The following MBD5 variants were observed in gnomAD, a reference collection of about 807,000 sequenced individuals.
MBD5 encodes the protein methyl-CpG binding domain protein 5.
In MBD5, 13 loss-of-function variants were observed where a neutral mutation model predicts 117.3. The observed-to-expected ratio is 0.11, with a 90% CI of 0.07 to 0.18. The LOEUF is 0.18. Among genes scored for constraint, MBD5 ranks in the 10% least tolerant of loss-of-function variants. The probability of loss-of-function intolerance (pLI) is 1.00; values close to 1 mark genes in which losing one functional copy is unlikely to be tolerated. For missense variants in MBD5, 1,879 were observed against 2,093.8 expected, an observed-to-expected ratio of 0.90 and a Z score of 2.00; for synonymous variants, 727 against 766.4, an observed-to-expected ratio of 0.95 and a Z score of 0.85.
At chr2:148,464,900 T>C (rs1485453221) in intron 7 of MBD5, among the ~76,000 whole-genome samples, 1 of 151,256 alleles carries the variant, frequency 6.6e-6, no homozygotes, top group Non-Finnish European at 1.5e-5. Flanking sequence ...AACCCAGAAG[T>C]TGGAGGCTGC....
intron 8 of MBD5, among the ~76,000 whole-genome samples, chr2:148,472,682 C>T (rs770196039): frequency 9.2e-5 from 14 of 152,174 alleles, no homozygotes; most frequent in Middle Eastern, 3.4e-3. Flanking sequence ...GGTAGGCATT[C>T]AGAATGAGAC....
chr2:148,397,274 G>A (rs1254775995), intron 4 of MBD5, among the ~76,000 whole-genome samples: 1 of 150,190 alleles, frequency 6.7e-6, no homozygotes, highest in East Asian at 2.0e-4. Flanking sequence ...TTATTCTCTA[G>A]CTAATACATG....
chr2:148,133,262 T>C (rs995567492), intron 1 of MBD5, among the ~76,000 whole-genome samples: 1 of 152,194 alleles, frequency 6.6e-6, no homozygotes, highest in African/African-American at 2.4e-5. Flanking sequence ...TTTAATTTCC[T>C]CTTGGAGTTG....
At chr2:148,184,002 C>G (rs1409639948) in intron 2 of MBD5, among the ~76,000 whole-genome samples, 1 of 150,780 alleles carries the variant, frequency 6.6e-6, no homozygotes, top group Non-Finnish European at 1.5e-5. Context: ...CTCCATCATT[C>G]CTTCAAATAC....
chr2:148,339,465 T>G (rs925230548), intron 3 of MBD5, among the ~76,000 whole-genome samples: 2 of 152,124 alleles, frequency 1.3e-5, no homozygotes, highest in African/African-American at 2.4e-5. Context: ...AAAGTATCAT[T>G]TATTTCTGTA....
chr2:148,365,684 A>G (rs776890430), intron 4 of MBD5, among the ~76,000 whole-genome samples: 14 of 152,224 alleles, frequency 9.2e-5, no homozygotes, highest in Non-Finnish European at 2.1e-4. Flanking sequence ...CTGCTATCAG[A>G]TAATACTATA....
intron 3 of MBD5, among the ~76,000 whole-genome samples, chr2:148,331,945 A>T (rs1702669118): frequency 6.6e-6 from 1 of 152,198 alleles, no homozygotes; most frequent in Admixed American, 6.5e-5. Context: ...TCAAACAATG[A>T]GTTTATGTAA....
At chr2:148,154,263 C>A (rs1023808405) in intron 1 of MBD5, among the ~76,000 whole-genome samples, 6 of 152,052 alleles carry the variant, frequency 3.9e-5, no homozygotes, top group Non-Finnish European at 7.4e-5. Flanking sequence ...GGGTCAGTGA[C>A]CCACTTGAGG....
intron 4 of MBD5, among the ~76,000 whole-genome samples, chr2:148,377,875 T>C (rs1219092137): frequency 6.6e-6 from 1 of 152,218 alleles, no homozygotes; most frequent in African/African-American, 2.4e-5. Flanking sequence ...GAATTTGAAC[T>C]TTGTACTTCA....
At chr2:148,239,649 T>C (rs1398462766) in intron 3 of MBD5, among the ~76,000 whole-genome samples, 1 of 149,238 alleles carries the variant, frequency 6.7e-6, no homozygotes, top group East Asian at 2.0e-4. Context: ...AGAAAAATTA[T>C]TGACATTTCA....
intron 12 of MBD5, among the ~76,000 whole-genome samples, chr2:148,507,068 G>T (rs958587320): frequency 6.6e-6 from 1 of 152,086 alleles, no homozygotes; most frequent in Non-Finnish European, 1.5e-5. Flanking sequence ...TCCAAAAGTA[G>T]TCATTTCTCC....
intron 2 of MBD5, among the ~76,000 whole-genome samples, chr2:148,207,664 G>T (rs2105990601): frequency 6.7e-6 from 1 of 148,492 alleles, no homozygotes; most frequent in East Asian, 2.0e-4. Flanking sequence ...ACTAAAGGGA[G>T]CCAGCTGAGA....
At chr2:148,502,839 G>A in intron 12 of MBD5, 1 of 417,554 alleles carries the variant, frequency 2.4e-6, no homozygotes, top group South Asian at 2.5e-5. Flanking sequence ...TGGAAGTGTA[G>A]TGAATCAATC....
At chr2:148,230,531 G>T (rs191603064) in intron 2 of MBD5, among the ~76,000 whole-genome samples, 20 of 152,208 alleles carry the variant, frequency 1.3e-4, no homozygotes, top group African/African-American at 4.6e-4. Flanking sequence ...CCTGCTTGGT[G>T]CTCTGACCCC....
chr2:148,438,425 C>G (rs986998515), intron 4 of MBD5, among the ~76,000 whole-genome samples: 1 of 152,146 alleles, frequency 6.6e-6, no homozygotes, highest in East Asian at 1.9e-4. Context: ...TAGCTTTATA[C>G]TTTGTATCTG....
chr2:148,207,566 G>A (rs1384179847), intron 2 of MBD5, among the ~76,000 whole-genome samples: 1 of 151,946 alleles, frequency 6.6e-6, no homozygotes, highest in South Asian at 2.1e-4. Context: ...GGGAGATGGT[G>A]GAAGAATGAG....
chr2:148,469,262 C>T lies in MBD5; in HGVS notation c.1319C>T (p.Thr440Ile), dbSNP rs1247282095. 2 of 1,613,844 alleles carry T rather than the reference C, an allele frequency of 1.2e-6. No homozygotes were observed. The highest frequency in any genetic ancestry group is 1.7e-6 in the Non-Finnish European group (2 of 1,179,962). ...ASTSLSPSPVTSPVHMMGTGI... is the reference protein window; with the variant it reads ...ASTSLSPSPVISPVHMMGTGI... The stretch of plus-strand genomic sequence containing the variant: ...ACCTCCCTGTCCCCTTCTCCAGTGA[C>T]ATCCCCCGTGCACATGATGGGGACT... The change falls in exon 8 of 14, where the codon ACA (threonine) becomes ATA (isoleucine). Residue 440 changes from threonine to isoleucine, a missense_variant. Physicochemically the swap from Thr to Ile is moderately conservative, Grantham distance 89 (BLOSUM62 -1). Transcript: ENST00000642680.
intron 4 of MBD5, among the ~76,000 whole-genome samples, chr2:148,446,579 A>G (rs1706532902): frequency 7.1e-6 from 1 of 140,724 alleles, no homozygotes; most frequent in Non-Finnish European, 1.6e-5. Context: ...ACAAGAAATT[A>G]ATTTACATAC....
intron 4 of MBD5, among the ~76,000 whole-genome samples, chr2:148,449,502 A>T (rs1706661917): frequency 6.6e-6 from 1 of 151,970 alleles, no homozygotes; most frequent in South Asian, 2.1e-4. Context: ...ATGAGGGAAG[A>T]CTTCTCTGAG....
Sources: gnomAD v4.1 joint callset for allele counts (sites outside exome capture counted in the v4.1 genomes callset) on GRCh38, gnomAD v4.1.1 for gene constraint, MANE v1.5 for transcripts, NCBI Gene and HGNC (gene_info 2026-07-23, HGNC 2026-07-21) for gene names.